The following ARMH3 variants were observed in gnomAD, a reference collection of about 807,000 sequenced individuals.
The protein encoded by ARMH3 is armadillo like helical domain containing 3.
In ARMH3, 60 loss-of-function variants were observed where a neutral mutation model predicts 99.1. That is an observed-to-expected ratio of 0.61 (90% CI 0.49 to 0.75). ARMH3 has a LOEUF of 0.75. Ranked by LOEUF, ARMH3 falls within the 30% of genes least tolerant of loss-of-function variation. ARMH3 has a pLI of 0.00. For synonymous variants in ARMH3, 285 were observed against 292.8 expected, an observed-to-expected ratio of 0.97 and a Z score of 0.27; for missense variants, 679 against 843.1, an observed-to-expected ratio of 0.81 and a Z score of 2.41.
rs139740177 is a variant in ARMH3, at chr10:101,960,733, T to A, written c.1496-3001A>T. The stretch of plus-strand genomic sequence containing the variant: ...GTGAAACCCCGTCTCTACTAAAAAA[T>A]ACAAAAATTAGCCAGGCACGGTGGC... On this transcript the variant is annotated intron_variant, in intron 20 of 25. Transcript: ENST00000370033. Among the ~76,000 whole-genome samples the A allele has an allele frequency of 9.3e-3, 1,413 of 151,414 alleles. 18 individuals are homozygous for A. The highest frequency in any genetic ancestry group is 0.033 in the African/African-American group (1,342 of 41,218).
At chr10:101,889,819 G>C (rs1440909839) in intron 23 of ARMH3, 2 of 236,890 alleles carry the variant, frequency 8.4e-6, no homozygotes, top group African/African-American at 2.2e-5. Context: ...AGGGGGCCCT[G>C]GTGCTTCAAT....
chr10:101,980,851 C>T (rs952464454), intron 19 of ARMH3, among the ~76,000 whole-genome samples: 2 of 152,124 alleles, frequency 1.3e-5, no homozygotes, highest in African/African-American at 4.8e-5. Context: ...AAATGTGGTA[C>T]ATATACACCA....
At chr10:101,907,621 T>C (rs1053425693) in intron 23 of ARMH3, among the ~76,000 whole-genome samples, 2 of 152,144 alleles carry the variant, frequency 1.3e-5, no homozygotes, top group African/African-American at 4.8e-5. Flanking sequence ...TGACCTCAAA[T>C]GATCCACCCG....
intron 23 of ARMH3, among the ~76,000 whole-genome samples, chr10:101,914,796 G>A (rs982369643): frequency 1.0e-4 from 15 of 147,898 alleles, no homozygotes; most frequent in African/African-American, 3.5e-4. Flanking sequence ...AACCTGCGAG[G>A]TGGAGGTTGC....
intron 24 of ARMH3, among the ~76,000 whole-genome samples, chr10:101,857,922 T>C (rs907039220): frequency 2.0e-5 from 3 of 152,264 alleles, no homozygotes; most frequent in Non-Finnish European, 2.9e-5. Flanking sequence ...TAATGAGGAA[T>C]AGCCCTCTTT....
chr10:101,917,237 T>C lies in ARMH3; in HGVS notation c.1781+22626A>G, dbSNP rs1329485186. Among the ~76,000 whole-genome samples, 6 of 152,226 alleles carry C rather than the reference T, an allele frequency of 3.9e-5. No individual in the cohort carries two copies. The East Asian group carries it at 9.6e-4, about 24-fold the overall frequency. ...AGTTTCATCACCTCAAAAGTTCCCC[T>C]GTGCCCATTTGTAATCAACCTCTCC... On this transcript the variant is annotated intron_variant, in intron 23 of 25. Coordinates refer to ENST00000370033, the MANE Select transcript of ARMH3 (RefSeq NM_024541.3).
intron 15 of ARMH3, among the ~76,000 whole-genome samples, chr10:101,998,456 G>A (rs868215225): frequency 1.3e-5 from 2 of 152,114 alleles, no homozygotes; most frequent in Non-Finnish European, 2.9e-5. Context: ...TCTCATCCCT[G>A]ATATAGCTCT....
chr10:101,997,125 C>T (rs893488467), intron 15 of ARMH3, among the ~76,000 whole-genome samples: 3 of 151,334 alleles, frequency 2.0e-5, no homozygotes, highest in South Asian at 2.1e-4. Flanking sequence ...ATCAGCCAGG[C>T]GTGGTGGCAT....
intron 24 of ARMH3, among the ~76,000 whole-genome samples, chr10:101,887,731 C>T (rs183954664): frequency 1.3e-5 from 2 of 151,902 alleles, no homozygotes; most frequent in Non-Finnish European, 2.9e-5. Flanking sequence ...CCGCACCCAG[C>T]AGGTATACAA....
intron 10 of ARMH3, 152 bp from the exon 11 acceptor site, chr10:102,011,935 G>A (rs755746933): frequency 1.1e-5 from 7 of 612,280 alleles, no homozygotes; most frequent in Non-Finnish European, 1.7e-5. Context: ...GACAATCCCT[G>A]CAAGCTAAGA....
intron 24 of ARMH3, 104 bp downstream of exon 24, chr10:101,889,308 C>A: frequency 8.8e-7 from 1 of 1,131,190 alleles, no homozygotes; most frequent in South Asian, 1.2e-5. Context: ...TGGCCCTGGT[C>A]ACTACCACAA....
chr10:101,990,434 G>T, intron 19 of ARMH3, 117 bp downstream of exon 19: 1 of 686,108 alleles, frequency 1.5e-6, no homozygotes, highest in Non-Finnish European at 2.4e-6. Context: ...GCCTCCCAAG[G>T]TGCTGGTATT....
chr10:101,920,311 C>T (rs1363235486), intron 23 of ARMH3, among the ~76,000 whole-genome samples: 2 of 152,080 alleles, frequency 1.3e-5, no homozygotes, highest in African/African-American at 2.4e-5. Flanking sequence ...ATGGTATATC[C>T]AAAAGGCCTG....
chr10:101,960,500 A>G (rs1182456981), intron 20 of ARMH3, among the ~76,000 whole-genome samples: 1 of 152,188 alleles, frequency 6.6e-6, no homozygotes, highest in South Asian at 2.1e-4. Flanking sequence ...TTTGGATAAG[A>G]AAACTCCATG....
At chr10:102,034,736 C>T (rs4635021) in intron 2 of ARMH3, among the ~76,000 whole-genome samples, 2,302 of 151,414 alleles carry the variant, frequency 0.015, 26 homozygotes, top group Non-Finnish European at 0.023. Flanking sequence ...TTTAAGCTGA[C>T]CTTTTAAAAC....
chr10:101,946,582 G>A (rs1053578223), intron 22 of ARMH3, among the ~76,000 whole-genome samples: 5 of 152,128 alleles, frequency 3.3e-5, no homozygotes, highest in Non-Finnish European at 5.9e-5. Context: ...AGGAGTCAGT[G>A]AACATAAAGT....
At chr10:102,041,593 T>C (rs1022108569) in intron 1 of ARMH3, among the ~76,000 whole-genome samples, 2 of 152,268 alleles carry the variant, frequency 1.3e-5, no homozygotes, top group East Asian at 1.9e-4. Flanking sequence ...GAGATTCATC[T>C]TTGAGCATAC....
intron 20 of ARMH3, among the ~76,000 whole-genome samples, chr10:101,967,433 C>G (rs1845585705): frequency 6.6e-6 from 1 of 152,080 alleles, no homozygotes; most frequent in Non-Finnish European, 1.5e-5. Flanking sequence ...CAACACCTGC[C>G]AGTAGAATAA....
At chr10:101,876,799 A>T (rs1205852207) in intron 24 of ARMH3, among the ~76,000 whole-genome samples, 1 of 152,160 alleles carries the variant, frequency 6.6e-6, no homozygotes, top group East Asian at 1.9e-4. Flanking sequence ...AAGGTGACTA[A>T]AAAAACTGAA....
Sources: allele counts gnomAD v4.1 joint callset (sites outside exome capture counted in the v4.1 genomes callset), GRCh38; gene constraint gnomAD v4.1.1; transcripts MANE v1.5; gene names NCBI Gene and HGNC (gene_info 2026-07-23, HGNC 2026-07-21).